CPEB2: variants seen among roughly 807,000 people sequenced by gnomAD.
The protein encoded by CPEB2 is cytoplasmic polyadenylation element binding protein 2.
In CPEB2, 56 loss-of-function variants were observed where a neutral mutation model predicts 93.6. The observed-to-expected ratio is 0.60, with a 90% CI of 0.48 to 0.75. The LOEUF (loss-of-function observed/expected upper bound fraction) is 0.75, where lower values mean the gene tolerates loss of function less well. CPEB2 is among the 30% of genes least tolerant of loss of function. CPEB2 has a pLI of 0.00. For synonymous variants in CPEB2, 764 were observed against 586.3 expected, an observed-to-expected ratio of 1.30 and a Z score of -4.38; for missense variants, 1,579 against 1,395.1, an observed-to-expected ratio of 1.13 and a Z score of -2.10.
At chr4:15,016,032 A>T (rs1204943357) in intron 3 of CPEB2, among the ~76,000 whole-genome samples, 1 of 152,044 alleles carries the variant, frequency 6.6e-6, no homozygotes, top group Non-Finnish European at 1.5e-5. Context: ...AGTATATTAC[A>T]TATAATCTCA....
chr4:15,069,601 T>TA lies in CPEB2; in HGVS notation c.*3222dup, dbSNP rs1729944730. On this transcript the variant is annotated 3_prime_UTR_variant, in exon 12 of 12. Transcript: ENST00000538197. ...TTTGGGTTTTATTTTATTTTAATAG[T>TA]AGTAAAATACTTGGAATAATTTTTC... 1 of 151,924 alleles carries TA rather than the reference T, an allele frequency of 6.6e-6. No homozygotes were observed. Among genetic ancestry groups the TA allele is most frequent in the African/African-American group, 2.4e-5 (1 of 41,410 alleles). The allele number at this position is 151,924 out of a possible 1,614,324, so 9.4% of individuals were successfully genotyped here.
At chr4:15,040,336 C>A in intron 5 of CPEB2, 128 bp from the exon 6 acceptor site, 2 of 754,372 alleles carry the variant, frequency 2.7e-6, no homozygotes, top group Admixed American at 2.4e-5. Flanking sequence ...GTGACATTGT[C>A]ATTGCTCTTA....
rs187408666 is a variant in CPEB2 at position 15,021,574 on chromosome 4, G to C, written c.2125+4296G>C. On this transcript the variant is annotated intron_variant, in intron 4 of 11. Transcript: ENST00000538197. Reference sequence around the variant, plus strand: ...ATTTCCCAAAGTATAGGGACAAACAGAATTACTTAATTGTAGCTCATAAAA... The same window carrying C: ...ATTTCCCAAAGTATAGGGACAAACACAATTACTTAATTGTAGCTCATAAAA... Among the ~76,000 whole-genome samples the C allele has an allele frequency of 4.1e-3, 631 of 152,172 alleles. 5 individuals are homozygous for C. Among genetic ancestry groups the C allele is most frequent in the African/African-American group, 0.014 (591 of 41,526 alleles).
chr4:15,025,759 G>A (rs1371892513), intron 4 of CPEB2, among the ~76,000 whole-genome samples: 2 of 151,968 alleles, frequency 1.3e-5, no homozygotes, highest in Non-Finnish European at 1.5e-5. Context: ...CTATCCAGGT[G>A]TGTACTACAG....
intron 10 of CPEB2, among the ~76,000 whole-genome samples, chr4:15,061,376 A>C (rs1729175198): frequency 6.6e-6 from 1 of 152,106 alleles, no homozygotes; most frequent in African/African-American, 2.4e-5. Context: ...GTGAGGTAGG[A>C]GCAGAATTAG....
chr4:15,067,245 A>G lies in CPEB2; in HGVS notation c.*865A>G, dbSNP rs1446032463. 1 of 151,734 alleles carries G rather than the reference A, an allele frequency of 6.6e-6. No homozygotes were observed. Among genetic ancestry groups the G allele is most frequent in the African/African-American group, 2.4e-5 (1 of 41,398 alleles). The allele number at this position is 151,734 out of a possible 1,614,324, so 9.4% of individuals were successfully genotyped here. A position where few individuals can be genotyped will look rare whatever the true frequency, so the allele number is the denominator to read the frequency against. ...TGAACAAATTATAAAATTTGTTTAA[A>G]AAAGCAAACTTGCATGCATTATTGT... On this transcript the variant is annotated 3_prime_UTR_variant, in exon 12 of 12. Transcript: ENST00000538197.
chr4:15,007,071 CTG>C (rs1023260418), intron 1 of CPEB2, among the ~76,000 whole-genome samples: 10 of 152,076 alleles, frequency 6.6e-5, no homozygotes, highest in African/African-American at 2.2e-4. Flanking sequence ...ATTTTAGTAA[CTG>C]TCATAAAATA....
chr4:15,005,064 GC>G (rs1722622253), intron 1 of CPEB2: 1 of 152,178 alleles, frequency 6.6e-6, no homozygotes, highest in Non-Finnish European at 1.5e-5. Context: ...CGCACCCTGG[GC>G]CGCCGGCCCA....
chr4:15,031,055 A>T (rs1726037746), intron 4 of CPEB2, among the ~76,000 whole-genome samples: 1 of 151,718 alleles, frequency 6.6e-6, no homozygotes, highest in Admixed American at 6.6e-5. Flanking sequence ...ATTACTATAT[A>T]CTCTGTTGTG....
chr4:15,030,483 G>C (rs1301696029), intron 4 of CPEB2, among the ~76,000 whole-genome samples: 1 of 152,074 alleles, frequency 6.6e-6, no homozygotes. Context: ...TGGTTGTAAA[G>C]AACATAGAAA....
At chr4:15,055,618 A>G (rs534662297) in intron 8 of CPEB2, among the ~76,000 whole-genome samples, 5 of 152,308 alleles carry the variant, frequency 3.3e-5, no homozygotes, top group African/African-American at 1.2e-4. Flanking sequence ...TCGTCCAGTC[A>G]CAGCAGTCTT....
At chr4:15,026,497 G>A (rs1021840674) in intron 4 of CPEB2, among the ~76,000 whole-genome samples, 1 of 152,110 alleles carries the variant, frequency 6.6e-6, no homozygotes, top group Non-Finnish European at 1.5e-5. Context: ...AAATGCTTGG[G>A]ATTACAGGCC....
intron 3 of CPEB2, among the ~76,000 whole-genome samples, chr4:15,010,308 T>A (rs1242238499): frequency 6.6e-6 from 1 of 152,212 alleles, no homozygotes; most frequent in East Asian, 1.9e-4. Flanking sequence ...TGATCTGTTT[T>A]GGCCATTTCT....
chr4:15,004,342 C>T lies in CPEB2; in HGVS notation c.1662+7C>T, dbSNP rs920930766. ...CTCCTATAACCACCACCAGGTACGG[C>T]GGGCGGCGGCCTGGCCGCGCCGCGG... On this transcript the variant is annotated splice_region_variant and intron_variant, in intron 1 of 11. Transcript: ENST00000538197. The T allele has an allele frequency of 1.7e-5, 24 of 1,439,258 alleles. No individual in the cohort carries two copies. The highest frequency in any genetic ancestry group is 2.4e-4 in the Middle Eastern group (1 of 4,194). The allele number at this position is 1,439,258 out of a possible 1,614,324, so 89.2% of individuals were successfully genotyped here. A position where few individuals can be genotyped will look rare whatever the true frequency, so the allele number is the denominator to read the frequency against.
rs1238556554 is a variant in CPEB2, at chr4:15,068,971, T to C, written c.*2591T>C. The C allele has an allele frequency of 1.6e-5, 2 of 126,090 alleles. No individual in the cohort carries two copies. Among genetic ancestry groups the C allele is most frequent in the African/African-American group, 5.1e-5 (2 of 39,294 alleles). 7.8% of individuals were successfully genotyped at this position (126,090 alleles called of 1,614,324 possible). A position where few individuals can be genotyped will look rare whatever the true frequency, so the allele number is the denominator to read the frequency against. ...CTTATTTTCTAACTTTTAAACACTG[T>C]ATTGGAGGTTTTTTTTTAATTTACA... On this transcript the variant is annotated 3_prime_UTR_variant, in exon 12 of 12. Transcript: ENST00000538197.
At chr4:15,053,581 A>C (rs762516918) in intron 7 of CPEB2, among the ~76,000 whole-genome samples, 71 of 152,230 alleles carry the variant, frequency 4.7e-4, no homozygotes, top group Admixed American at 1.2e-3. Context: ...CTTAATTCTA[A>C]GTATTGATCT....
chr4:15,051,687 A>G (rs1221320705), intron 6 of CPEB2, among the ~76,000 whole-genome samples: 1 of 152,240 alleles, frequency 6.6e-6, no homozygotes, highest in Non-Finnish European at 1.5e-5. Context: ...GGTTACATAT[A>G]TAGATCTTAT....
chr4:15,042,714 G>A (rs149852991), intron 6 of CPEB2, among the ~76,000 whole-genome samples: 3 of 152,102 alleles, frequency 2.0e-5, no homozygotes, highest in African/African-American at 7.2e-5. Context: ...ACACTGAAAC[G>A]GTAAGTAATG....
At chr4:15,066,069 T>C in intron 11 of CPEB2, 84 bp from the exon 12 acceptor site, 1 of 1,193,502 alleles carries the variant, frequency 8.4e-7, no homozygotes. Flanking sequence ...GGTCCTTTTT[T>C]TCTGCTGTAG....
Sources: gnomAD v4.1 joint callset for allele counts (sites outside exome capture counted in the v4.1 genomes callset) on GRCh38, gnomAD v4.1.1 for gene constraint, MANE v1.5 for transcripts, NCBI Gene and HGNC (gene_info 2026-07-23, HGNC 2026-07-21) for gene names.